Variants in GARIN1A observed in about 807,000 individuals in gnomAD.
GARIN1A encodes golgi associated RAB2 interactor 1A, also known as Golgi-associated RAB2 interactor protein 1A.
the GARIN1A span, chr7:128,672,635 T>TA: frequency 2.4e-5 from 5 of 204,556 alleles, no homozygotes; most frequent in South Asian, 9.2e-5. Context: ...TGTGGCCTTT[T>TA]AAAGCCCTGG....
At chr7:128,677,919 C>A in the GARIN1A span, 1 of 945,700 alleles carries the variant, frequency 1.1e-6, no homozygotes, top group Non-Finnish European at 1.5e-6. Context: ...TTTAAAAGCT[C>A]TTTGTAAATA....
chr7:128,679,413 G>A, the GARIN1A span, among the ~76,000 whole-genome samples: 5 of 152,090 alleles, frequency 3.3e-5, no homozygotes, highest in South Asian at 4.1e-4. Flanking sequence ...GGATGGTCTC[G>A]ATCTCTTGAT....
chr7:128,681,142 A>C, the GARIN1A span, among the ~76,000 whole-genome samples: 3 of 152,236 alleles, frequency 2.0e-5, no homozygotes, highest in Non-Finnish European at 4.4e-5. Flanking sequence ...CACATAGCAT[A>C]TGGGCTCTCT....
chr7:128,686,832 C>A, the GARIN1A span: 1 of 152,098 alleles, frequency 6.6e-6, no homozygotes, highest in Non-Finnish European at 1.5e-5. Context: ...GCCGAGATCA[C>A]TCCACTGCGC....
the GARIN1A span, chr7:128,690,529 A>C: frequency 6.6e-6 from 1 of 152,216 alleles, no homozygotes; most frequent in Non-Finnish European, 1.5e-5. Context: ...GCCGCAGTTC[A>C]GTTTTCAGTT....
At chr7:128,676,323 A>G in the GARIN1A span, among the ~76,000 whole-genome samples, 1 of 151,850 alleles carries the variant, frequency 6.6e-6, no homozygotes, top group South Asian at 2.1e-4. Context: ...TTTATTTAGT[A>G]TCTATATTTA....
the GARIN1A span, among the ~76,000 whole-genome samples, chr7:128,689,058 C>A: frequency 2.6e-5 from 4 of 151,958 alleles, no homozygotes; most frequent in Admixed American, 2.0e-4. Flanking sequence ...CAGCCTCAGC[C>A]TCCCGAGGTG....
the GARIN1A span, chr7:128,672,698 AG>A: frequency 5.4e-5 from 38 of 707,896 alleles, no homozygotes; most frequent in South Asian, 1.9e-4. Context: ...GAAAACCAGA[AG>A]GTCTGGGTCC....
the GARIN1A span, among the ~76,000 whole-genome samples, chr7:128,696,126 C>A: frequency 1.3e-5 from 2 of 150,906 alleles, no homozygotes; most frequent in Non-Finnish European, 2.9e-5. Flanking sequence ...TATTCTCCCA[C>A]CTCAGCCTCC....
the GARIN1A span, among the ~76,000 whole-genome samples, chr7:128,677,392 A>G: frequency 6.6e-6 from 1 of 151,446 alleles, no homozygotes; most frequent in African/African-American, 2.4e-5. Context: ...CTGTAGTCCC[A>G]GCTACTCAGG....
At chr7:128,674,019 G>A in the GARIN1A span, among the ~76,000 whole-genome samples, 1 of 151,830 alleles carries the variant, frequency 6.6e-6, no homozygotes, top group Non-Finnish European at 1.5e-5. Context: ...TCAGCCTCCC[G>A]AGTAGCTAGG....
At chr7:128,676,451 A>G in the GARIN1A span, among the ~76,000 whole-genome samples, 7 of 120,516 alleles carry the variant, frequency 5.8e-5, no homozygotes, top group African/African-American at 2.2e-4. Flanking sequence ...GTGTGTGTGT[A>G]TATATGTGTG....
chr7:128,697,421 G>A, the GARIN1A span: 16,930 of 152,540 alleles, frequency 0.11, 1,065 homozygotes, highest in East Asian at 0.17. Flanking sequence ...GGGGTTCTTG[G>A]GGCAGCCCGG....
the GARIN1A span, among the ~76,000 whole-genome samples, chr7:128,703,124 A>T: frequency 1.2e-4 from 19 of 152,260 alleles, no homozygotes. Flanking sequence ...TCTCTCAGTA[A>T]GTTGATAAAA....
the GARIN1A span, chr7:128,697,528 T>C: frequency 6.7e-6 from 1 of 150,032 alleles, no homozygotes; most frequent in African/African-American, 2.5e-5. Context: ...GGATGGGAGA[T>C]CGCCTGGAAA....
the GARIN1A span, chr7:128,677,432 CG>C: frequency 2.0e-6 from 2 of 1,012,960 alleles, no homozygotes; most frequent in South Asian, 1.9e-5. Flanking sequence ...GCGTGAACCC[CG>C]GGGGCAGAGC....
At chr7:128,681,994 G>T in the GARIN1A span, among the ~76,000 whole-genome samples, 1 of 151,678 alleles carries the variant, frequency 6.6e-6, no homozygotes, top group African/African-American at 2.4e-5. Context: ...CTCCAGGCTG[G>T]TGTACACTTG....
the GARIN1A span, among the ~76,000 whole-genome samples, chr7:128,689,606 C>T: frequency 7.0e-6 from 1 of 142,892 alleles, no homozygotes; most frequent in African/African-American, 2.5e-5. Context: ...GCAGCCGCCC[C>T]GTCTGAGAAG....
chr7:128,700,558 G>C, the GARIN1A span, among the ~76,000 whole-genome samples: 1 of 152,172 alleles, frequency 6.6e-6, no homozygotes, highest in Non-Finnish European at 1.5e-5. Flanking sequence ...GGGATTACAG[G>C]AGTGAGCCAC....
Sources: allele counts gnomAD v4.1 joint callset (sites outside exome capture counted in the v4.1 genomes callset), GRCh38; gene constraint gnomAD v4.1.1; transcripts MANE v1.5; gene names NCBI Gene and HGNC (gene_info 2026-07-23, HGNC 2026-07-21).